Variants in RPS6KC1 observed in about 807,000 individuals in gnomAD.
The protein encoded by RPS6KC1 is ribosomal protein S6 kinase C1, also known as inactive ribosomal protein S6 kinase delta-1.
RPS6KC1 carries 54 observed loss-of-function variants against 103.8 expected under a neutral mutation model. The observed-to-expected ratio is 0.52, with a 90% confidence interval of 0.42 to 0.65. The LOEUF is 0.65. Ranked by LOEUF, RPS6KC1 falls within the 30% of genes least tolerant of loss-of-function variation. RPS6KC1 has a pLI of 0.00. For missense variants in RPS6KC1, 1,151 were observed against 1,253.8 expected, an observed-to-expected ratio of 0.92 and a Z score of 1.24; for synonymous variants, 439 against 438.7, an observed-to-expected ratio of 1.00 and a Z score of -0.01.
the RPS6KC1 span, among the ~76,000 whole-genome samples, chr1:213,852,869 C>T: frequency 2.6e-4 from 39 of 152,122 alleles, no homozygotes; most frequent in Non-Finnish European, 4.7e-4. Flanking sequence ...TCAAAGTGTG[C>T]GTGACACATT....
intron 8 of RPS6KC1, among the ~76,000 whole-genome samples, chr1:213,212,228 G>T (rs1338030662): frequency 1.3e-5 from 2 of 151,804 alleles, no homozygotes; most frequent in South Asian, 4.2e-4. Flanking sequence ...TCTGTGCTCT[G>T]CCTGTTCATT....
the RPS6KC1 span, among the ~76,000 whole-genome samples, chr1:213,692,673 C>T: frequency 6.6e-6 from 1 of 152,148 alleles, no homozygotes; most frequent in African/African-American, 2.4e-5. Context: ...ATTCCCTTAC[C>T]AGTCGACTGT....
chr1:213,212,739 A>C (rs1389926684), intron 8 of RPS6KC1, among the ~76,000 whole-genome samples: 1 of 152,228 alleles, frequency 6.6e-6, no homozygotes, highest in Non-Finnish European at 1.5e-5. Flanking sequence ...TATCTTTGCC[A>C]GCATTTGGAG....
chr1:213,780,246 G>A, the RPS6KC1 span, among the ~76,000 whole-genome samples: 1 of 152,142 alleles, frequency 6.6e-6, no homozygotes, highest in Admixed American at 6.5e-5. Flanking sequence ...TTGACCCCCG[G>A]GTAGGTATAT....
At chr1:213,054,510 A>G (rs2077183355) in intron 1 of RPS6KC1, among the ~76,000 whole-genome samples, 1 of 152,236 alleles carries the variant, frequency 6.6e-6, no homozygotes, top group Non-Finnish European at 1.5e-5. Context: ...AGAGAACTTC[A>G]TGAGATAAAA....
chr1:213,116,885 C>G (rs1324869466), intron 4 of RPS6KC1, among the ~76,000 whole-genome samples: 1 of 152,206 alleles, frequency 6.6e-6, no homozygotes, highest in East Asian at 1.9e-4. Flanking sequence ...TTGGCCCCCA[C>G]TCTCTTCTGG....
intron 7 of RPS6KC1, among the ~76,000 whole-genome samples, chr1:213,170,701 T>A (rs1380798396): frequency 6.6e-6 from 1 of 152,262 alleles, no homozygotes; most frequent in African/African-American, 2.4e-5. Flanking sequence ...ATTTGCTTTT[T>A]AAATTTTCCT....
At chr1:213,426,056 C>T in the RPS6KC1 span, among the ~76,000 whole-genome samples, 1 of 152,196 alleles carries the variant, frequency 6.6e-6, no homozygotes, top group South Asian at 2.1e-4. Flanking sequence ...TGTGGTTGAG[C>T]CCCCTTTTTC....
the RPS6KC1 span, among the ~76,000 whole-genome samples, chr1:213,706,046 G>A: frequency 1.7e-3 from 255 of 152,288 alleles, 1 homozygote; most frequent in African/African-American, 5.8e-3. Context: ...TGTGCAACCT[G>A]GGGTTGGGGG....
chr1:213,096,219 G>A (rs951281942), intron 3 of RPS6KC1, among the ~76,000 whole-genome samples: 1 of 152,188 alleles, frequency 6.6e-6, no homozygotes, highest in South Asian at 2.1e-4. Context: ...TCCATAAGAA[G>A]CAACTCTTTG....
chr1:213,243,650 G>C (rs1029956510), intron 12 of RPS6KC1, among the ~76,000 whole-genome samples: 1 of 152,026 alleles, frequency 6.6e-6, no homozygotes, highest in East Asian at 1.9e-4. Context: ...GTGCAGATGG[G>C]GCTGTATTAT....
chr1:213,094,718 G>A (rs2081297651), intron 3 of RPS6KC1, among the ~76,000 whole-genome samples: 1 of 152,164 alleles, frequency 6.6e-6, no homozygotes, highest in South Asian at 2.1e-4. Context: ...AGGCTGTGGT[G>A]TTCTCGTATT....
chr1:213,242,134 T>G lies in RPS6KC1; in HGVS notation c.2658T>G (p.Phe886Leu), dbSNP rs369229582. 9 of 1,613,722 alleles carry G rather than the reference T, an allele frequency of 5.6e-6. No homozygotes were observed. Among genetic ancestry groups the G allele is most frequent in the Non-Finnish European group, 6.8e-6 (8 of 1,179,834 alleles). The change falls in exon 11 of 15, where the codon TTT becomes TTG. Residue 886 changes from phenylalanine to leucine, a missense_variant. Phe to Leu is a conservative substitution (Grantham distance 22, BLOSUM62 0). Coordinates refer to ENST00000366960, the MANE Select transcript of RPS6KC1 (RefSeq NM_012424.6). ...GAGACAAGGAAATACATCAGATTTT[T>G]GAGGACCTTGATAAAAAATTAGCAC... Reference protein sequence around the residue: ...LEGDKEIHQIFEDLDKKLALA... With the variant: ...LEGDKEIHQILEDLDKKLALA...
At chr1:213,074,448 G>C (rs948231785) in intron 2 of RPS6KC1, among the ~76,000 whole-genome samples, 2 of 152,162 alleles carry the variant, frequency 1.3e-5, no homozygotes, top group Non-Finnish European at 2.9e-5. Flanking sequence ...TTCTAAATGT[G>C]TCTCTGAGGA....
chr1:213,662,167 A>T, the RPS6KC1 span, among the ~76,000 whole-genome samples: 3 of 152,088 alleles, frequency 2.0e-5, no homozygotes, highest in African/African-American at 7.2e-5. Context: ...TAGATGTGTG[A>T]GGAGGGTAAG....
At chr1:213,259,198 T>C (rs1014931190) in intron 12 of RPS6KC1, among the ~76,000 whole-genome samples, 24 of 152,346 alleles carry the variant, frequency 1.6e-4, no homozygotes, top group African/African-American at 5.5e-4. Context: ...CTGAATGTTT[T>C]CATATCATCT....
At chr1:213,230,143 C>G (rs1256083118) in intron 8 of RPS6KC1, among the ~76,000 whole-genome samples, 1 of 152,110 alleles carries the variant, frequency 6.6e-6, no homozygotes, top group Non-Finnish European at 1.5e-5. Context: ...AAAATTGAGA[C>G]TTGAACAATT....
At chr1:213,375,981 G>A in the RPS6KC1 span, among the ~76,000 whole-genome samples, 1 of 152,160 alleles carries the variant, frequency 6.6e-6, no homozygotes, top group Non-Finnish European at 1.5e-5. Context: ...GAATTACTGG[G>A]GAAGGAGAGA....
the RPS6KC1 span, among the ~76,000 whole-genome samples, chr1:213,689,762 G>A: frequency 6.6e-6 from 1 of 152,218 alleles, no homozygotes; most frequent in East Asian, 1.9e-4. Context: ...CCAGGATTCT[G>A]TTGCCATAGT....
Sources: gnomAD v4.1 joint callset for allele counts (sites outside exome capture counted in the v4.1 genomes callset) on GRCh38, gnomAD v4.1.1 for gene constraint, MANE v1.5 for transcripts, NCBI Gene and HGNC (gene_info 2026-07-23, HGNC 2026-07-21) for gene names.